Variants in PPP1R16B observed in about 807,000 individuals in gnomAD.
PPP1R16B encodes the protein protein phosphatase 1 regulatory subunit 16B.
PPP1R16B carries 14 observed loss-of-function variants against 61.7 expected under a neutral mutation model. The ratio of observed to expected loss-of-function variants is 0.23; its 90% CI spans 0.15 to 0.35. PPP1R16B has a LOEUF of 0.35. Ranked by LOEUF, PPP1R16B falls within the 10% of genes least tolerant of loss-of-function variation. The pLI is 1.00. For synonymous variants in PPP1R16B, 266 were observed against 305.3 expected, an observed-to-expected ratio of 0.87 and a Z score of 1.34; for missense variants, 547 against 752.5, an observed-to-expected ratio of 0.73 and a Z score of 3.19.
At chr20:38,840,050 C>A (rs1425120325) in intron 2 of PPP1R16B, among the ~76,000 whole-genome samples, 1 of 152,168 alleles carries the variant, frequency 6.6e-6, no homozygotes. Context: ...GTGGCAGGCT[C>A]GTGGGTTGGT....
At chr20:38,823,120 A>G (rs1326350484) in intron 1 of PPP1R16B, among the ~76,000 whole-genome samples, 1 of 152,204 alleles carries the variant, frequency 6.6e-6, no homozygotes, top group Non-Finnish European at 1.5e-5. Flanking sequence ...GTAATGCTCT[A>G]AAGGCAGAAT....
chr20:38,840,715 G>C (rs1271286566), intron 2 of PPP1R16B, among the ~76,000 whole-genome samples: 1 of 152,148 alleles, frequency 6.6e-6, no homozygotes, highest in Non-Finnish European at 1.5e-5. Flanking sequence ...GTAGTGTCAT[G>C]GCTAGGAGCA....
chr20:38,819,934 C>T (rs1468761489), intron 1 of PPP1R16B, among the ~76,000 whole-genome samples: 1 of 152,192 alleles, frequency 6.6e-6, no homozygotes, highest in Non-Finnish European at 1.5e-5. Flanking sequence ...AGCCCCCTCT[C>T]CAACCCCGTA....
intron 3 of PPP1R16B, 84 bp downstream of exon 3, chr20:38,889,749 A>G (rs1020495829): frequency 2.0e-5 from 28 of 1,375,162 alleles, no homozygotes; most frequent in Non-Finnish European, 2.7e-5. Flanking sequence ...TCCTGCTCAG[A>G]ACCCTCAGGG....
chr20:38,836,091 A>C lies in PPP1R16B; in HGVS notation c.166A>C (p.Ser56Arg). 6.2e-7 allele frequency: 1 copy of C among 1,611,958 alleles called. No individual in the cohort carries two copies. The highest frequency in any genetic ancestry group is 8.5e-7 in the Non-Finnish European group (1 of 1,179,762). The change falls in exon 2 of 11, where the codon AGC becomes CGC. Residue 56 changes from serine to arginine, a missense_variant. Coordinates refer to ENST00000299824, the MANE Select transcript of PPP1R16B (RefSeq NM_015568.4). ...CAAGCGAAAGCATGAGCGGAAGCGC[A>C]GCACGGGCGGCCGCCGCAAGAAAGT... ...HRKRKHERKRSTGGRRKKVSF... is the reference protein window; with the variant it reads ...HRKRKHERKRRTGGRRKKVSF...
At chr20:38,837,696 C>A (rs186439628) in intron 2 of PPP1R16B, among the ~76,000 whole-genome samples, 1 of 151,972 alleles carries the variant, frequency 6.6e-6, no homozygotes, top group Non-Finnish European at 1.5e-5. Flanking sequence ...CAGGCGTTCA[C>A]CTCCATGCCC....
chr20:38,907,754 G>C lies in PPP1R16B; in HGVS notation c.899-52G>C. The C allele has an allele frequency of 6.2e-7, 1 of 1,601,874 alleles. No homozygotes were observed. Among genetic ancestry groups the C allele is most frequent in the African/African-American group, 1.3e-5 (1 of 74,826 alleles). ...CTCCTCTGGTCTGGAGCACCCTCTT[G>C]CGCCACAGGTCCTGGCCCCGTCCCC... is the stretch of plus-strand genomic sequence containing the variant. On this transcript the variant is annotated intron_variant, in intron 8 of 10. Transcript: ENST00000299824. The surrounding 1 kb of genome is among the most constrained non-coding windows in gnomAD (Gnocchi z 4.5).
At chr20:38,914,943 C>T (rs1444022744) in intron 10 of PPP1R16B, among the ~76,000 whole-genome samples, 2 of 152,144 alleles carry the variant, frequency 1.3e-5, no homozygotes, top group African/African-American at 4.8e-5. Flanking sequence ...GCTGGGATTA[C>T]AGGCATGAGC....
intron 2 of PPP1R16B, among the ~76,000 whole-genome samples, chr20:38,862,464 C>T (rs567075206): frequency 3.5e-4 from 53 of 152,238 alleles, no homozygotes; most frequent in Admixed American, 6.5e-4. Flanking sequence ...TGAATGCCCC[C>T]GACACAACCC....
Position 38,805,715 on chromosome 20 carries a change from G to C in PPP1R16B, c.-179G>C, listed in dbSNP as rs1320457339. The C allele has an allele frequency of 1.3e-5, 2 of 152,392 alleles. No individual in the cohort carries two copies. The highest frequency in any genetic ancestry group is 4.8e-5 in the African/African-American group (2 of 41,584). The allele number at this position is 152,392 out of a possible 1,614,324, so 9.4% of individuals were successfully genotyped here. ...GCCGAGCAGAGCCAGCTCTGTCGCC[G>C]CTGGAGCAGCTGCGGCTCGGGGACC... On this transcript the variant is annotated 5_prime_UTR_variant, in exon 1 of 11. Coordinates refer to ENST00000299824, the MANE Select transcript of PPP1R16B (RefSeq NM_015568.4).
At chr20:38,879,963 G>T (rs1046441037) in intron 2 of PPP1R16B, among the ~76,000 whole-genome samples, 23 of 152,326 alleles carry the variant, frequency 1.5e-4, no homozygotes, top group Admixed American at 3.9e-4. Flanking sequence ...AAAGTCTGTG[G>T]CCCAGCCTGG....
intron 1 of PPP1R16B, 45 bp from the exon 2 acceptor site, chr20:38,835,780 G>A: frequency 2.0e-6 from 2 of 986,354 alleles, no homozygotes; most frequent in Non-Finnish European, 2.9e-6. Context: ...TCTGAGTTGT[G>A]GAGTCTGACA....
In PPP1R16B at chr20:38,836,604, C is replaced by A. The variant is rs1284507660; in HGVS notation, c.250+429C>A. Among the ~76,000 whole-genome samples the A allele has an allele frequency of 3.9e-5, 6 of 152,268 alleles. No homozygotes were observed. In the South Asian group the frequency reaches 1.2e-3, roughly 32 times the overall value. On this transcript the variant is annotated intron_variant, in intron 2 of 10. Coordinates refer to ENST00000299824, the MANE Select transcript of PPP1R16B (RefSeq NM_015568.4). Reference sequence around the variant, plus strand: ...AATTCCTGAGCTCAAGTGATCTGCCCGCCATTGGTCTCCCAAAATGCTGGG... The same window carrying A: ...AATTCCTGAGCTCAAGTGATCTGCCAGCCATTGGTCTCCCAAAATGCTGGG...
chr20:38,912,096 C>A (rs962885550), intron 10 of PPP1R16B, among the ~76,000 whole-genome samples: 1 of 127,444 alleles, frequency 7.8e-6, no homozygotes, highest in Non-Finnish European at 1.7e-5. Context: ...TATAGTCAGT[C>A]TTTTTTTTTT....
intron 1 of PPP1R16B, among the ~76,000 whole-genome samples, chr20:38,807,475 G>C (rs2084670226): frequency 6.6e-6 from 1 of 152,134 alleles, no homozygotes; most frequent in African/African-American, 2.4e-5. Flanking sequence ...GTGGAGCCCT[G>C]GTGGGTGGTT....
At chr20:38,888,028 GT>G (rs1233054584) in intron 2 of PPP1R16B, among the ~76,000 whole-genome samples, 1 of 152,174 alleles carries the variant, frequency 6.6e-6, no homozygotes. Flanking sequence ...TGCTGACTGG[GT>G]TTTTTTGTCC....
At chr20:38,812,519 C>G (rs190762894) in intron 1 of PPP1R16B, among the ~76,000 whole-genome samples, 22 of 152,240 alleles carry the variant, frequency 1.4e-4, no homozygotes, top group Admixed American at 1.2e-3. Flanking sequence ...TTCTTTGGAC[C>G]GTTTGATGTC....
chr20:38,837,393 A>T (rs2084878913), intron 2 of PPP1R16B, among the ~76,000 whole-genome samples: 1 of 152,138 alleles, frequency 6.6e-6, no homozygotes, highest in Non-Finnish European at 1.5e-5. Context: ...TTTTATTTAC[A>T]TTATCAAAGG....
chr20:38,852,410 C>A (rs932191784), intron 2 of PPP1R16B, among the ~76,000 whole-genome samples: 2 of 152,198 alleles, frequency 1.3e-5, no homozygotes, highest in African/African-American at 4.8e-5. Flanking sequence ...GCCTCATAAA[C>A]TTGGATAGTA....
Sources: gnomAD v4.1 joint callset for allele counts (sites outside exome capture counted in the v4.1 genomes callset) on GRCh38, gnomAD v4.1.1 for gene constraint, Gnocchi (gnomAD v3.1) non-coding constraint, MANE v1.5 for transcripts, NCBI Gene and HGNC (gene_info 2026-07-23, HGNC 2026-07-21) for gene names.